RNF146: variants seen among roughly 807,000 people sequenced by gnomAD.
RNF146 encodes the protein ring finger protein 146, also known as E3 ubiquitin-protein ligase RNF146.
A neutral mutation model predicts 29.7 loss-of-function variants in RNF146; 11 were observed. That is an observed-to-expected ratio of 0.37 (90% CI 0.23 to 0.61). RNF146 has a LOEUF of 0.61. RNF146 is among the 20% of genes least tolerant of loss of function. The pLI is 0.66. For synonymous variants in RNF146, 150 were observed against 159.7 expected, an observed-to-expected ratio of 0.94 and a Z score of 0.46; for missense variants, 342 against 438.9, an observed-to-expected ratio of 0.78 and a Z score of 1.97.
At chr6:127,268,688 C>T (rs1034297134) in intron 1 of RNF146, among the ~76,000 whole-genome samples, 1 of 151,968 alleles carries the variant, frequency 6.6e-6, no homozygotes, top group East Asian at 1.9e-4. Flanking sequence ...GCTGGTTGTT[C>T]AGAACTTGGT....
intron 1 of RNF146, among the ~76,000 whole-genome samples, chr6:127,279,977 AT>A (rs779329201): frequency 7.3e-5 from 11 of 151,614 alleles, no homozygotes; most frequent in Non-Finnish European, 1.6e-4. Flanking sequence ...TTTCTTGGGG[AT>A]TCTATGAGAT....
chr6:127,273,838 A>G (rs1242200265), intron 1 of RNF146, among the ~76,000 whole-genome samples: 3 of 152,190 alleles, frequency 2.0e-5, no homozygotes, highest in Non-Finnish European at 2.9e-5. Context: ...ATTAATGTAT[A>G]GAAAGATACT....
intron 1 of RNF146, among the ~76,000 whole-genome samples, chr6:127,277,353 G>C (rs1256943477): frequency 6.6e-6 from 1 of 151,990 alleles, no homozygotes; most frequent in Non-Finnish European, 1.5e-5. Context: ...GCTCCTTGAA[G>C]TTGGTGAAAG....
intron 1 of RNF146, among the ~76,000 whole-genome samples, chr6:127,274,657 G>A (rs1777948828): frequency 6.6e-6 from 1 of 152,124 alleles, no homozygotes; most frequent in South Asian, 2.1e-4. Context: ...AATCAATTAG[G>A]TTCTGAGAAG....
Position 127,287,581 on chromosome 6 carries a change from CCGATCGATCAGAT to C in RNF146, c.975_987del (p.Ser326GlufsTer6). 6.2e-7 allele frequency: 1 copy of C among 1,612,900 alleles called. No individual in the cohort carries two copies. The highest frequency in any genetic ancestry group is 8.5e-7 in the Non-Finnish European group (1 of 1,179,394). ...GTTTCTAATGCAAACCAGACAGTACCCGATCGATCAGATCGATCGGGAACTGATCGATCAGTAG... is the reference window on the plus strand; with the variant it reads ...GTTTCTAATGCAAACCAGACAGTACCCGATCGGGAACTGATCGATCAGTAG... On this transcript the variant is annotated frameshift_variant, in exon 3 of 3. Coordinates refer to ENST00000368314, the MANE Select transcript of RNF146 (RefSeq NM_001242850.2). LOFTEE classifies it high-confidence loss of function.
At chr6:127,268,600 C>A (rs1173076878) in intron 1 of RNF146, among the ~76,000 whole-genome samples, 1 of 152,150 alleles carries the variant, frequency 6.6e-6, no homozygotes, top group African/African-American at 2.4e-5. Context: ...CCCAATCTTT[C>A]ATTTAGAATT....
chr6:127,267,518 A>G (rs1198346696), intron 1 of RNF146, among the ~76,000 whole-genome samples: 1 of 152,118 alleles, frequency 6.6e-6, no homozygotes, highest in East Asian at 1.9e-4. Context: ...GTCAGATCGA[A>G]GCCAGGGCGT....
intron 1 of RNF146, among the ~76,000 whole-genome samples, chr6:127,271,861 T>C (rs1777546452): frequency 1.3e-5 from 2 of 152,212 alleles, no homozygotes; most frequent in Admixed American, 1.3e-4. Context: ...TTGCCCAGGC[T>C]GGTCTATAAC....
rs1779706976 is a variant in RNF146 at position 127,287,622 on chromosome 6, G to A, written c.1009G>A (p.Gly337Arg). Residue 337 changes from glycine (G) to arginine (R), a missense_variant, in exon 3 of 3, where the codon GGG becomes AGG. This residue lies in a region of RNF146 where 196 missense variants were observed against 208.9 expected (regional missense o/e 0.94). Transcript: ENST00000368314. ...ATCGGGAACTGATCGATCAGTAGCAGGGGGTGGAACAGTGAGTGTCAGTGT... is the reference window on the plus strand; with the variant it reads ...ATCGGGAACTGATCGATCAGTAGCAAGGGGTGGAACAGTGAGTGTCAGTGT... ...DRSGTDRSVA[G>R]GGTVSVSVRS... 1 of 1,612,534 alleles carries A rather than the reference G, an allele frequency of 6.2e-7. No homozygotes were observed. Among genetic ancestry groups the A allele is most frequent in the Non-Finnish European group, 8.5e-7 (1 of 1,179,130 alleles).
In RNF146 at chr6:127,287,744, T is replaced by C; in HGVS notation, c.*51T>C. On this transcript the variant is annotated 3_prime_UTR_variant, in exon 3 of 3. Coordinates refer to ENST00000368314, the MANE Select transcript of RNF146 (RefSeq NM_001242850.2). ...CAAGGTTGAAAGGGTTACCTGTAAA[T>C]TTCTGCCCACATAACATTATACTCA... The C allele has an allele frequency of 8.3e-7, 1 of 1,198,856 alleles. No homozygotes were observed. Among genetic ancestry groups the C allele is most frequent in the Non-Finnish European group, 1.2e-6 (1 of 842,386 alleles). The allele number at this position is 1,198,856 out of a possible 1,614,324, so 74.3% of individuals were successfully genotyped here.
chr6:127,281,825 A>C (rs951879027), intron 2 of RNF146, among the ~76,000 whole-genome samples: 3 of 151,676 alleles, frequency 2.0e-5, no homozygotes, highest in African/African-American at 7.3e-5. Flanking sequence ...AGTACTTACT[A>C]GATGTTGAGG....
intron 1 of RNF146, among the ~76,000 whole-genome samples, chr6:127,271,867 A>G (rs1777546838): frequency 6.6e-6 from 1 of 152,140 alleles, no homozygotes; most frequent in Non-Finnish European, 1.5e-5. Flanking sequence ...AGGCTGGTCT[A>G]TAACTCCTAG....
Position 127,288,480 on chromosome 6 carries a change from G to C in RNF146, c.*787G>C, listed in dbSNP as rs915034794. The stretch of plus-strand genomic sequence containing the variant: ...TGTTTTCAGCTTAATCACCTGCTCA[G>C]AAAAGTTTGATTTTTTTCTTAGAGA... On this transcript the variant is annotated 3_prime_UTR_variant, in exon 3 of 3. Coordinates refer to ENST00000368314, the MANE Select transcript of RNF146 (RefSeq NM_001242850.2). 1.2e-5 allele frequency: 2 copies of C among 166,872 alleles called. No homozygotes were observed. Among genetic ancestry groups the C allele is most frequent in the Non-Finnish European group, 2.9e-5 (2 of 68,034 alleles). 10.3% of individuals were successfully genotyped at this position (166,872 alleles called of 1,614,324 possible).
chr6:127,280,581 A>C, intron 2 of RNF146: 1 of 1,185,394 alleles, frequency 8.4e-7, no homozygotes. Flanking sequence ...AGTTTGCTCA[A>C]AGAATGCTGA....
chr6:127,270,164 T>A (rs1777263880), intron 1 of RNF146, among the ~76,000 whole-genome samples: 1 of 152,156 alleles, frequency 6.6e-6, no homozygotes, highest in Non-Finnish European at 1.5e-5. Context: ...TGGTACAATA[T>A]TACTTCATTT....
chr6:127,278,812 T>C (rs1582883145), intron 1 of RNF146, among the ~76,000 whole-genome samples: 1 of 151,984 alleles, frequency 6.6e-6, no homozygotes, highest in Non-Finnish European at 1.5e-5. Flanking sequence ...CCAACACTTA[T>C]TATTTTTCCC....
intron 1 of RNF146, among the ~76,000 whole-genome samples, chr6:127,269,220 A>C (rs1253770611): frequency 1.3e-5 from 2 of 152,226 alleles, no homozygotes; most frequent in African/African-American, 4.8e-5. Context: ...GGTTAATTCA[A>C]ATCCAAAATG....
At chr6:127,268,440 GTGTC>G (rs1424048609) in intron 1 of RNF146, among the ~76,000 whole-genome samples, 1 of 152,226 alleles carries the variant, frequency 6.6e-6, no homozygotes. Flanking sequence ...TTTGTATAGA[GTGTC>G]TGGGTGCCCT....
chr6:127,284,070 T>C (rs1234237745), intron 2 of RNF146, among the ~76,000 whole-genome samples: 2 of 151,788 alleles, frequency 1.3e-5, no homozygotes, highest in Non-Finnish European at 2.9e-5. Context: ...GAGGATAATG[T>C]TTTTAGGTTG....
Sources: allele counts gnomAD v4.1 joint callset (sites outside exome capture counted in the v4.1 genomes callset), GRCh38; gene constraint gnomAD v4.1.1; regional missense constraint gnomAD v4.1.1; transcripts MANE v1.5; gene names NCBI Gene and HGNC (gene_info 2026-07-23, HGNC 2026-07-21).